The following PDE4D variants were observed in gnomAD, a reference collection of about 807,000 sequenced individuals.
PDE4D encodes 3',5'-cyclic-AMP phosphodiesterase 4D.
Under a neutral mutation model 87.4 loss-of-function variants are expected in PDE4D, and 24 were observed. The ratio of observed to expected loss-of-function variants is 0.27; its 90% CI spans 0.20 to 0.39. PDE4D has a LOEUF of 0.39. PDE4D is among the 10% of genes least tolerant of loss of function. The probability of loss-of-function intolerance (pLI) is 1.00; values close to 1 mark genes in which losing one functional copy is unlikely to be tolerated. For missense variants in PDE4D, 714 were observed against 1,041.0 expected (o/e 0.69, Z 4.32); for synonymous variants, 384 against 383.2 (o/e 1.00, Z -0.02).
intron 5 of PDE4D, among the ~76,000 whole-genome samples, chr5:59,124,400 A>C (rs950182027): frequency 4.6e-5 from 7 of 152,212 alleles, no homozygotes; most frequent in African/African-American, 1.7e-4. Flanking sequence ...TTGCTCCTCC[A>C]GCTGCAGCTC....
rs549751310 is a variant in PDE4D, at chr5:59,327,815, G to A, written c.456-111847C>T. 2.0e-5 allele frequency among the ~76,000 whole-genome samples: 3 copies of A among 152,278 alleles called. No individual in the cohort carries two copies. In the East Asian group the frequency reaches 5.8e-4, roughly 29 times the overall value. ...AAATTTGGTTTCTAGTCACAGAACT[G>A]CTACAAACTGGTGATATGGAGTTGA... On this transcript the variant is annotated intron_variant, in intron 1 of 14. Coordinates refer to ENST00000340635, the MANE Select transcript of PDE4D (RefSeq NM_001104631.2).
rs565354516 is a variant in PDE4D, at chr5:60,367,254, G to A, written c.-90+120688C>T. Among the ~76,000 whole-genome samples, 10 of 152,026 alleles carry A rather than the reference G, an allele frequency of 6.6e-5. No individual in the cohort carries two copies. In the East Asian group the frequency reaches 1.9e-3, roughly 29 times the overall value. On this transcript the variant is annotated intron_variant, in intron 1 of 16. Coordinates refer to the PDE4D transcript ENST00000502484. Reference sequence around the variant, plus strand: ...ACCTGGAGTCAGGAGTTCGAGACCAGCCTGACCAACATGTAGAAACCCCAT... The same window carrying A: ...ACCTGGAGTCAGGAGTTCGAGACCAACCTGACCAACATGTAGAAACCCCAT...
At chr5:59,093,249 G>T (rs1769066359) in intron 5 of PDE4D, among the ~76,000 whole-genome samples, 1 of 152,296 alleles carries the variant, frequency 6.6e-6, no homozygotes, top group Middle Eastern at 3.4e-3. Context: ...TTAGCGAGGG[G>T]CTGAAAGTGT....
intron 6 of PDE4D, among the ~76,000 whole-genome samples, chr5:59,031,707 C>CAAAAA (rs70973183): frequency 1.2e-4 from 2 of 16,686 alleles, no homozygotes; most frequent in Non-Finnish European, 1.0e-4. Flanking sequence ...GACTCCACCT[C>CAAAAA]AAAAAAAAAA....
chr5:60,250,142 C>A (rs149159425), intron 1 of PDE4D, among the ~76,000 whole-genome samples: 1 of 151,886 alleles, frequency 6.6e-6, no homozygotes, highest in Non-Finnish European at 1.5e-5. Context: ...CTGGAGTCAA[C>A]ATTAAAAGAG....
chr5:59,893,559 C>T lies in PDE4D; in HGVS notation c.64G>A (p.Gly22Ser). The change falls in exon 1 of 15, where the codon GGC becomes AGC. Residue 22 changes from glycine (G) to serine (S), a missense_variant. Physicochemically the swap from Gly to Ser is moderately conservative, Grantham distance 56. Around this residue, in one of 7 missense-constraint regions of PDE4D, gnomAD observed 268 missense variants for 272.9 expected, o/e 0.98. Transcript: ENST00000340635. The part of the protein sequence containing the change: ...AGSGEGSDSA[G>S]GATLKAPKHL... ...TTGGGGGCTTTGAGCGTGGCCCCGC[C>T]GGCGCTGTCGCTGCCCTCTCCGCTG... 6.5e-7 allele frequency: 1 copy of T among 1,536,554 alleles called. No individual in the cohort carries two copies. The highest frequency in any genetic ancestry group is 1.2e-5 in the South Asian group (1 of 82,422).
intron 5 of PDE4D, among the ~76,000 whole-genome samples, chr5:59,092,752 A>G (rs565214173): frequency 6.6e-6 from 1 of 152,340 alleles, no homozygotes; most frequent in South Asian, 2.1e-4. Flanking sequence ...CAAAAACACA[A>G]ATAAATAATC....
At chr5:59,756,976 T>G (rs1761338618) in intron 1 of PDE4D, among the ~76,000 whole-genome samples, 1 of 152,164 alleles carries the variant, frequency 6.6e-6, no homozygotes, top group South Asian at 2.1e-4. Context: ...TTTTATATTT[T>G]TAGTAGAGAC....
chr5:59,853,223 T>C (rs1436805322), intron 1 of PDE4D, among the ~76,000 whole-genome samples: 11 of 152,064 alleles, frequency 7.2e-5, no homozygotes, highest in African/African-American at 2.4e-5. Flanking sequence ...GGAATTTAAA[T>C]GCCATACAGA....
chr5:60,170,560 T>A (rs1366914167), intron 2 of PDE4D, among the ~76,000 whole-genome samples: 1 of 151,998 alleles, frequency 6.6e-6, no homozygotes, highest in Non-Finnish European at 1.5e-5. Flanking sequence ...TAATGTTTTT[T>A]AAGAGGACTT....
At chr5:59,457,261 A>G (rs1191800236) in intron 1 of PDE4D, among the ~76,000 whole-genome samples, 1 of 152,358 alleles carries the variant, frequency 6.6e-6, no homozygotes, top group East Asian at 1.9e-4. Context: ...ATCAGTAGCC[A>G]TCAACGTCAA....
chr5:59,156,188 A>G (rs1340585949), intron 5 of PDE4D, among the ~76,000 whole-genome samples: 1 of 151,850 alleles, frequency 6.6e-6, no homozygotes, highest in African/African-American at 2.4e-5. Context: ...ATTTTCCCAA[A>G]GTGAGTAAGG....
At chr5:59,812,689 A>G (rs1379884994) in intron 1 of PDE4D, among the ~76,000 whole-genome samples, 3 of 152,174 alleles carry the variant, frequency 2.0e-5, no homozygotes, top group Non-Finnish European at 2.9e-5. Context: ...AAAAAAGTAA[A>G]TAAATAAAAA....
chr5:59,173,961 T>TCA (rs1020921076), intron 5 of PDE4D, among the ~76,000 whole-genome samples: 3 of 152,240 alleles, frequency 2.0e-5, no homozygotes, highest in Admixed American at 1.3e-4. Context: ...CTTGCTTTTA[T>TCA]CACACACACA....
intron 4 of PDE4D, among the ~76,000 whole-genome samples, chr5:59,182,455 G>T (rs1269062938): frequency 1.3e-5 from 2 of 151,656 alleles, no homozygotes; most frequent in East Asian, 3.9e-4. Flanking sequence ...TAGAGATGGG[G>T]TCTTGCTGTG....
At chr5:59,900,247 A>AAT (rs765217113) in intron 3 of PDE4D, among the ~76,000 whole-genome samples, 5,731 of 110,308 alleles carry the variant, frequency 0.052, 239 homozygotes, top group African/African-American at 0.13. Context: ...ATCAAAAAAA[A>AAT]ATATATATAT....
chr5:59,136,024 T>C, intron 5 of PDE4D, among the ~76,000 whole-genome samples: 1 of 44,692 alleles, frequency 2.2e-5, no homozygotes, highest in South Asian at 4.8e-4. Flanking sequence ...AAAGACTAAA[T>C]GATAAAAAAA....
At chr5:59,655,738 C>G (rs1194848497) in intron 1 of PDE4D, among the ~76,000 whole-genome samples, 1 of 152,120 alleles carries the variant, frequency 6.6e-6, no homozygotes, top group Non-Finnish European at 1.5e-5. Flanking sequence ...AAACTAAGAA[C>G]CCATGACTGT....
intron 1 of PDE4D, among the ~76,000 whole-genome samples, chr5:60,287,456 AAAGAC>A (rs1188321118): frequency 6.6e-6 from 1 of 152,214 alleles, no homozygotes; most frequent in African/African-American, 2.4e-5. Context: ...AAGGCTCTTC[AAAGAC>A]AAGAACTAAA....
Sources: allele counts gnomAD v4.1 joint callset (sites outside exome capture counted in the v4.1 genomes callset), GRCh38; gene constraint gnomAD v4.1.1; regional missense constraint gnomAD v4.1.1; transcripts MANE v1.5; gene names NCBI Gene and HGNC (gene_info 2026-07-23, HGNC 2026-07-21).